ANK3: variants seen among roughly 807,000 people sequenced by gnomAD.
ANK3 encodes the protein ankyrin 3, also known as ankyrin-3.
ANK3 carries 57 observed loss-of-function variants against 370.9 expected under a neutral mutation model. That is an observed-to-expected ratio of 0.15 (90% confidence interval 0.12 to 0.19). The LOEUF (loss-of-function observed/expected upper bound fraction) is 0.19, where lower values mean the gene tolerates loss of function less well. ANK3 is among the 10% of genes least tolerant of loss of function. ANK3 has a pLI of 1.00. For synonymous variants in ANK3, 1,929 were observed against 1,946.3 expected, an observed-to-expected ratio of 0.99 and a Z score of 0.23; for missense variants, 4,439 against 5,302.1, an observed-to-expected ratio of 0.84 and a Z score of 5.06.
chr10:60,389,177 C>T (rs1465358424), intron 1 of ANK3, among the ~76,000 whole-genome samples: 1 of 152,050 alleles, frequency 6.6e-6, no homozygotes, highest in Non-Finnish European at 1.5e-5. Flanking sequence ...ATGCCCATGC[C>T]TATATAAAGT....
At chr10:60,527,217 C>A (rs778039499) in intron 2 of ANK3, among the ~76,000 whole-genome samples, 3 of 152,094 alleles carry the variant, frequency 2.0e-5, no homozygotes, top group Non-Finnish European at 2.9e-5. Context: ...TTTTAGGGAT[C>A]TACCCCAGAT....
chr10:60,312,410 C>A (rs1004415743), intron 1 of ANK3, among the ~76,000 whole-genome samples: 1 of 152,158 alleles, frequency 6.6e-6, no homozygotes, highest in African/African-American at 2.4e-5. Context: ...AATGTCTGCT[C>A]CTTATTGATG....
chr10:60,078,739 A>G (rs2084390629), intron 36 of ANK3, among the ~76,000 whole-genome samples: 1 of 152,150 alleles, frequency 6.6e-6, no homozygotes, highest in Non-Finnish European at 1.5e-5. Flanking sequence ...GTGAAGGAAA[A>G]GTGGCATTCA....
intron 7 of ANK3, among the ~76,000 whole-genome samples, chr10:60,261,034 C>T (rs72820488): frequency 0.054 from 8,213 of 152,110 alleles, 373 homozygotes; most frequent in African/African-American, 0.12. Context: ...TTTTCAGTGA[C>T]GCAGTGAGGG....
At chr10:60,607,971 G>A (rs1425627898) in intron 2 of ANK3, among the ~76,000 whole-genome samples, 1 of 152,144 alleles carries the variant, frequency 6.6e-6, no homozygotes, top group Non-Finnish European at 1.5e-5. Context: ...CACTTCAAAT[G>A]TCATACCTGG....
intron 1 of ANK3, among the ~76,000 whole-genome samples, chr10:60,351,674 G>A (rs1428441737): frequency 6.6e-6 from 1 of 152,166 alleles, no homozygotes; most frequent in Admixed American, 6.5e-5. Flanking sequence ...TCAGGTAGAA[G>A]TGCAGCTACC....
At chr10:60,682,011 C>T (rs1159751458) in intron 1 of ANK3, among the ~76,000 whole-genome samples, 1 of 151,992 alleles carries the variant, frequency 6.6e-6, no homozygotes, top group Non-Finnish European at 1.5e-5. Flanking sequence ...ATTAGCTGGG[C>T]ATGATGGTAC....
chr10:60,731,356 C>T (rs1174034287), intron 1 of ANK3, among the ~76,000 whole-genome samples: 1 of 152,192 alleles, frequency 6.6e-6, no homozygotes, highest in Non-Finnish European at 1.5e-5. Context: ...ACACCATTGG[C>T]CTTTACATTG....
chr10:60,127,915 T>C (rs1179923297), intron 25 of ANK3, among the ~76,000 whole-genome samples: 1 of 152,072 alleles, frequency 6.6e-6, no homozygotes, highest in Non-Finnish European at 1.5e-5. Context: ...GCCAGGATGG[T>C]CTCGATCTCC....
At chr10:60,103,498 T>G (rs200027534) in intron 28 of ANK3, among the ~76,000 whole-genome samples, 2 of 149,386 alleles carry the variant, frequency 1.3e-5, no homozygotes, top group Admixed American at 6.8e-5. Context: ...ATTTTTTTTT[T>G]GGCTGGTCTG....
chr10:60,491,743 GT>G (rs2075512248), intron 2 of ANK3, among the ~76,000 whole-genome samples: 1 of 152,206 alleles, frequency 6.6e-6, no homozygotes, highest in African/African-American at 2.4e-5. Flanking sequence ...GTGCTTAAGA[GT>G]ACTGATCTAG....
At position 60,072,326 on chromosome 10, in the gene ANK3, A is replaced by G. The variant is rs1417254699; in HGVS notation, c.8555T>C (p.Phe2852Ser). The change falls in exon 37 of 44, where the codon TTT (phenylalanine) becomes TCT (serine). Residue 2852 changes from phenylalanine to serine, a missense_variant. Phe to Ser is a radical substitution (Grantham distance 155). Transcript: ENST00000280772. ...GGCTCCCGAACTCTCCCATGTTCTA[A>G]AGACCTTTTTGTCCCATGGTCCCCT... ...ATRGPWDKKV[F>S]RTWESSGATN... The G allele has an allele frequency of 2.1e-5, 34 of 1,613,904 alleles. No individual in the cohort carries two copies. Among genetic ancestry groups the G allele is most frequent in the Non-Finnish European group, 2.9e-5 (34 of 1,180,000 alleles).
chr10:60,137,909 A>G (rs538387591), intron 24 of ANK3, among the ~76,000 whole-genome samples: 1 of 152,252 alleles, frequency 6.6e-6, no homozygotes, highest in Admixed American at 6.5e-5. Context: ...ACTTGTTGCT[A>G]TCTTTGATCG....
chr10:60,317,415 T>G (rs142969312), intron 1 of ANK3, among the ~76,000 whole-genome samples: 49 of 152,272 alleles, frequency 3.2e-4, no homozygotes, highest in African/African-American at 1.1e-3. Flanking sequence ...TGAGCCACTG[T>G]GCCCGGCCCC....
At chr10:60,095,287 TCAGA>T (rs2089871948) in intron 28 of ANK3, among the ~76,000 whole-genome samples, 1 of 152,254 alleles carries the variant, frequency 6.6e-6, no homozygotes, top group East Asian at 1.9e-4. Context: ...TCAATGAGAC[TCAGA>T]CACTTTTCAC....
At chr10:60,033,228 G>A (rs993734869) in intron 43 of ANK3, among the ~76,000 whole-genome samples, 14 of 151,922 alleles carry the variant, frequency 9.2e-5, no homozygotes, top group African/African-American at 3.4e-4. Flanking sequence ...GGCCACGCAC[G>A]GTGGCTCACG....
intron 1 of ANK3, among the ~76,000 whole-genome samples, chr10:60,294,636 T>G (rs2042124922): frequency 6.6e-6 from 1 of 152,204 alleles, no homozygotes; most frequent in African/African-American, 2.4e-5. Context: ...TTAGGAGGCC[T>G]TGCTGAAAAT....
At chr10:60,462,888 C>CT (rs2064922003) in intron 2 of ANK3, among the ~76,000 whole-genome samples, 1 of 145,578 alleles carries the variant, frequency 6.9e-6, no homozygotes, top group Non-Finnish European at 1.5e-5. Context: ...TCCCTAGGTT[C>CT]TTTTTTAAAG....
intron 25 of ANK3, among the ~76,000 whole-genome samples, chr10:60,132,869 G>C (rs1317583090): frequency 6.6e-6 from 1 of 152,082 alleles, no homozygotes; most frequent in Non-Finnish European, 1.5e-5. Flanking sequence ...GCCTGTCTTG[G>C]CCTTCCAAAG....
Sources: gnomAD v4.1 joint callset for allele counts (sites outside exome capture counted in the v4.1 genomes callset) on GRCh38, gnomAD v4.1.1 for gene constraint, MANE v1.5 for transcripts, NCBI Gene and HGNC (gene_info 2026-07-23, HGNC 2026-07-21) for gene names.